LRRC37A2: variants seen among roughly 807,000 people sequenced by gnomAD.
The protein encoded by LRRC37A2 is leucine-rich repeat-containing protein 37A2.
In LRRC37A2, 9 loss-of-function variants were observed where a neutral mutation model predicts 68.8. The observed-to-expected ratio is 0.13, with a 90% CI of 0.08 to 0.23. The LOEUF (loss-of-function observed/expected upper bound fraction) is 0.23. LRRC37A2 is among the 10% of genes least tolerant of loss of function. LRRC37A2 has a pLI of 1.00. For missense variants in LRRC37A2, 168 were observed against 950.4 expected, an observed-to-expected ratio of 0.18 and a Z score of 10.82; for synonymous variants, 63 against 367.6, an observed-to-expected ratio of 0.17 and a Z score of 9.48.
chr17:47,009,359 G>A, the LRRC37A2 span, among the ~76,000 whole-genome samples: 6 of 152,160 alleles, frequency 3.9e-5, no homozygotes. Flanking sequence ...CTTGCCCTGA[G>A]CCGCACATCC....
At chr17:46,575,108 A>AG in the LRRC37A2 span, among the ~76,000 whole-genome samples, 1 of 100,538 alleles carries the variant, frequency 9.9e-6, no homozygotes, top group Non-Finnish European at 2.4e-5. Context: ...AAAAAAAAAA[A>AG]AAAGAAAGTT....
chr17:46,535,141 GC>G (rs2054473742), intron 6 of LRRC37A2, among the ~76,000 whole-genome samples: 1 of 148,804 alleles, frequency 6.7e-6, no homozygotes, highest in South Asian at 2.1e-4. Context: ...CAATTCTTGA[GC>G]CTCAAGCCTC....
the LRRC37A2 span, chr17:46,818,616 G>A: frequency 1.9e-6 from 3 of 1,582,650 alleles, no homozygotes; most frequent in Admixed American, 3.6e-5. Context: ...GCGCCGAGGA[G>A]GAAGTTTGCC....
the LRRC37A2 span, chr17:46,939,585 A>AT: frequency 5.1e-6 from 5 of 985,222 alleles, no homozygotes; most frequent in Admixed American, 2.5e-4. Flanking sequence ...AAGATTTGTG[A>AT]TTTTCCAATT....
At chr17:46,733,839 T>C in the LRRC37A2 span, among the ~76,000 whole-genome samples, 3 of 152,350 alleles carry the variant, frequency 2.0e-5, no homozygotes, top group Admixed American at 6.5e-5. Flanking sequence ...CTAACAGTTA[T>C]TAGTGTTCTG....
the LRRC37A2 span, among the ~76,000 whole-genome samples, chr17:46,880,440 C>A: frequency 3.3e-5 from 5 of 152,200 alleles, no homozygotes; most frequent in Admixed American, 1.3e-4. Flanking sequence ...TATTGAGCAC[C>A]AGGCAGCATC....
chr17:46,824,492 G>T, the LRRC37A2 span, among the ~76,000 whole-genome samples: 2 of 152,286 alleles, frequency 1.3e-5, no homozygotes, highest in African/African-American at 2.4e-5. Flanking sequence ...CAGGTGGTAC[G>T]CCCGCCTTGG....
the LRRC37A2 span, among the ~76,000 whole-genome samples, chr17:46,743,138 G>A: frequency 6.6e-6 from 1 of 152,154 alleles, no homozygotes; most frequent in Non-Finnish European, 1.5e-5. Flanking sequence ...GGGCCTCACA[G>A]TAACCCTTGT....
chr17:46,831,454 G>C, the LRRC37A2 span: 1 of 152,506 alleles, frequency 6.6e-6, no homozygotes, highest in Non-Finnish European at 1.5e-5. Context: ...TCACGTTGGA[G>C]GGAGAGGTGG....
At chr17:46,478,103 C>T in the LRRC37A2 span, among the ~76,000 whole-genome samples, 1 of 99,668 alleles carries the variant, frequency 1.0e-5, no homozygotes, top group East Asian at 2.4e-4. Flanking sequence ...TCAGTTCTGT[C>T]TTGGCAGTGC....
chr17:46,952,067 A>AT, the LRRC37A2 span, among the ~76,000 whole-genome samples: 3 of 152,132 alleles, frequency 2.0e-5, no homozygotes, highest in Non-Finnish European at 4.4e-5. Context: ...CTGGGTTGTT[A>AT]TTTTTTGTGA....
At chr17:46,610,007 C>CTCTTTCTTTCTT in the LRRC37A2 span, among the ~76,000 whole-genome samples, 133 of 116,986 alleles carry the variant, frequency 1.1e-3, 1 homozygote, top group African/African-American at 4.1e-3. Context: ...CTTTCTTTCT[C>CTCTTTCTTTCTT]TCTTTCTTTC....
At chr17:46,872,787 C>T in the LRRC37A2 span, 11 of 1,415,132 alleles carry the variant, frequency 7.8e-6, no homozygotes, top group Admixed American at 1.8e-5. Flanking sequence ...GGGAGGAGGG[C>T]TAGGGGACGG....
the LRRC37A2 span, among the ~76,000 whole-genome samples, chr17:46,832,165 G>A: frequency 6.6e-6 from 1 of 152,196 alleles, no homozygotes; most frequent in Non-Finnish European, 1.5e-5. Context: ...GCCTGCAGAG[G>A]GGGTGCTGGT....
At chr17:46,832,709 G>A in the LRRC37A2 span, 1 of 152,534 alleles carries the variant, frequency 6.6e-6, no homozygotes, top group African/African-American at 2.4e-5. Flanking sequence ...CAATGGAAAA[G>A]GCAGGGGTGG....
At chr17:46,766,736 T>C in the LRRC37A2 span, among the ~76,000 whole-genome samples, 1 of 152,092 alleles carries the variant, frequency 6.6e-6, no homozygotes, top group Non-Finnish European at 1.5e-5. Context: ...TTCCCTCCCC[T>C]ACTCCCTATG....
chr17:46,876,250 G>A, the LRRC37A2 span: 6 of 1,606,580 alleles, frequency 3.7e-6, no homozygotes, highest in Middle Eastern at 5.0e-4. Context: ...CACAGGCTGT[G>A]AAGAGTGGCC....
the LRRC37A2 span, among the ~76,000 whole-genome samples, chr17:46,897,667 T>C: frequency 1.3e-5 from 2 of 152,132 alleles, no homozygotes; most frequent in African/African-American, 4.8e-5. Context: ...TTTTTATTTT[T>C]GTAGAGATGG....
the LRRC37A2 span, among the ~76,000 whole-genome samples, chr17:46,965,553 A>G: frequency 6.6e-6 from 1 of 151,966 alleles, no homozygotes; most frequent in East Asian, 1.9e-4. Context: ...CTGCCATCCA[A>G]TTTCCAGGAA....
Sources: gnomAD v4.1 joint callset for allele counts (sites outside exome capture counted in the v4.1 genomes callset) on GRCh38, gnomAD v4.1.1 for gene constraint, MANE v1.5 for transcripts, NCBI Gene and HGNC (gene_info 2026-07-23, HGNC 2026-07-21) for gene names.